Variants in SLC20A2 observed in about 807,000 individuals in gnomAD.
The protein encoded by SLC20A2 is sodium-dependent phosphate transporter 2.
SLC20A2 carries 30 observed loss-of-function variants against 61.0 expected under a neutral mutation model. The observed-to-expected ratio is 0.49, with a 90% confidence interval of 0.37 to 0.67. SLC20A2 has a LOEUF of 0.67. Ranked by LOEUF, SLC20A2 falls within the 30% of genes least tolerant of loss-of-function variation. The pLI is 0.00. For missense variants in SLC20A2, 626 were observed against 866.4 expected (o/e 0.72, Z 3.48); for synonymous variants, 351 against 353.3 (o/e 0.99, Z 0.07).
At chr8:42,467,371 T>C (rs955552994) in intron 2 of SLC20A2, among the ~76,000 whole-genome samples, 7 of 152,320 alleles carry the variant, frequency 4.6e-5, no homozygotes, top group Middle Eastern at 3.4e-3. Flanking sequence ...GATCAGATTT[T>C]GTAGTGAGTA....
chr8:42,468,003 C>T (rs1048364726), intron 2 of SLC20A2, among the ~76,000 whole-genome samples: 7 of 151,582 alleles, frequency 4.6e-5, no homozygotes, highest in African/African-American at 7.3e-5. Flanking sequence ...CCTGGGTTCA[C>T]GCCATTCTCC....
chr8:42,487,176 CTT>C lies in SLC20A2; in HGVS notation c.-265+13853_-265+13854del, dbSNP rs553949254. Among the ~76,000 whole-genome samples the C allele has an allele frequency of 1.6e-3, 152 of 98,046 alleles. 1 individual carries two copies. The highest frequency in any genetic ancestry group is 4.1e-3 in the African/African-American group (96 of 23,492). The allele number at this position is 98,046 out of a possible 152,430, so 64.3% of individuals were successfully genotyped here. ...CACCGTGCTTGGCCATGGTTTCTTT[CTT>C]TTTTTTTTTTTTTTTTTGAGACAGA... On this transcript the variant is annotated intron_variant, in intron 1 of 10. Coordinates refer to ENST00000520262, the MANE Select transcript of SLC20A2 (RefSeq NM_001257180.2).
At position 42,437,688 on chromosome 8, in the gene SLC20A2, G is replaced by T. The variant is rs1804403206; in HGVS notation, c.935-111C>A. 1 of 879,856 alleles carries T rather than the reference G, an allele frequency of 1.1e-6. No homozygotes were observed. The highest frequency in any genetic ancestry group is 1.7e-5 in the African/African-American group (1 of 58,094). The allele number at this position is 879,856 out of a possible 1,614,324, so 54.5% of individuals were successfully genotyped here. A position where few individuals can be genotyped will look rare whatever the true frequency, so the allele number is the denominator to read the frequency against. ...GGGTGGAGTACAATGGCGCAATCTC[G>T]GCTCACTGCAACCTTCGCCTCCCGG... On this transcript the variant is annotated intron_variant, in intron 7 of 10. Coordinates refer to ENST00000520262, the MANE Select transcript of SLC20A2 (RefSeq NM_001257180.2). This position sits in a 1 kb window ranked among gnomAD's most constrained non-coding sequence, Gnocchi z 6.4.
In SLC20A2 at chr8:42,438,708, T is replaced by TTTTTCTTTTC. The variant is rs372842962; in HGVS notation, c.934+732_934+741dup. Among the ~76,000 whole-genome samples the TTTTTCTTTTC allele has an allele frequency of 2.4e-4, 36 of 151,662 alleles. 1 individual carries two copies. The highest frequency in any genetic ancestry group is 7.2e-4 in the African/African-American group (30 of 41,380). On this transcript the variant is annotated intron_variant, in intron 7 of 10. Transcript: ENST00000520262. ...CTAAAGGACACAGAATGGTCTGGAT[T>TTTTTCTTTTC]TTTTCTTTTCTTTTCTTTTCTTTTT...
At chr8:42,495,486 T>C (rs1392047879) in intron 1 of SLC20A2, among the ~76,000 whole-genome samples, 2 of 152,188 alleles carry the variant, frequency 1.3e-5, no homozygotes, top group South Asian at 2.1e-4. Context: ...ACCATGTTCA[T>C]TGGGCCTCAT....
upstream of SLC20A2, among the ~76,000 whole-genome samples, chr8:42,503,396 C>T (rs942781949): frequency 6.6e-6 from 1 of 152,054 alleles, no homozygotes; most frequent in Admixed American, 6.6e-5. Context: ...TTTAGTTCAA[C>T]GAATCCATGA....
intron 1 of SLC20A2, among the ~76,000 whole-genome samples, chr8:42,488,984 G>A (rs1809289041): frequency 7.2e-6 from 1 of 139,176 alleles, no homozygotes; most frequent in South Asian, 2.4e-4. Flanking sequence ...CTGTCTCCCA[G>A]GCTGGAATGC....
intron 1 of SLC20A2, among the ~76,000 whole-genome samples, chr8:42,532,916 G>A (rs542338843): frequency 7.2e-5 from 11 of 152,204 alleles, no homozygotes; most frequent in African/African-American, 2.6e-4. Context: ...AGTCCACAGA[G>A]GACGGAAAGA....
chr8:42,512,445 G>A (rs996741179), intron 1 of SLC20A2, among the ~76,000 whole-genome samples: 2 of 151,618 alleles, frequency 1.3e-5, no homozygotes, highest in African/African-American at 4.8e-5. Context: ...CTGCTTCCTG[G>A]GTTCAAGCGA....
chr8:42,526,763 G>T (rs1467855959), intron 1 of SLC20A2, among the ~76,000 whole-genome samples: 1 of 151,752 alleles, frequency 6.6e-6, no homozygotes, highest in Non-Finnish European at 1.5e-5. Context: ...TATTGATATT[G>T]GTTCATTAAT....
intron 1 of SLC20A2, among the ~76,000 whole-genome samples, chr8:42,498,891 G>A (rs1156817528): frequency 1.3e-5 from 2 of 152,204 alleles, no homozygotes; most frequent in Non-Finnish European, 2.9e-5. Context: ...AACCTCATGT[G>A]AGGGAAGAGG....
chr8:42,498,613 A>C (rs1586211407), intron 1 of SLC20A2, among the ~76,000 whole-genome samples: 1 of 152,184 alleles, frequency 6.6e-6, no homozygotes, highest in South Asian at 2.1e-4. Context: ...TATGCCCGAG[A>C]AATCAGCCTT....
intron 5 of SLC20A2, among the ~76,000 whole-genome samples, chr8:42,455,241 A>AAAATAT (rs1416804518): frequency 2.9e-5 from 3 of 102,604 alleles, no homozygotes; most frequent in African/African-American, 1.5e-4. Flanking sequence ...AAAAAAAAAA[A>AAAATAT]ATATATATAT....
At chr8:42,505,925 A>C (rs1810668272), upstream of SLC20A2, among the ~76,000 whole-genome samples, 1 of 151,676 alleles carries the variant, frequency 6.6e-6, no homozygotes, top group African/African-American at 2.4e-5. Flanking sequence ...TGAACATTGA[A>C]GAAAAAACTC....
upstream of SLC20A2, among the ~76,000 whole-genome samples, chr8:42,501,972 A>G (rs760461505): frequency 2.0e-5 from 3 of 152,236 alleles, no homozygotes; most frequent in African/African-American, 7.2e-5. Flanking sequence ...TCTCGAAAAT[A>G]TAAGTACAAC....
At chr8:42,491,322 G>C (rs1018848401) in intron 1 of SLC20A2, among the ~76,000 whole-genome samples, 12 of 152,118 alleles carry the variant, frequency 7.9e-5, no homozygotes, top group African/African-American at 2.4e-4. Flanking sequence ...GACCAGCCTG[G>C]CCAACAGTGA....
intron 2 of SLC20A2, among the ~76,000 whole-genome samples, chr8:42,469,123 G>A (rs1231549210): frequency 3.9e-5 from 6 of 151,942 alleles, no homozygotes; most frequent in African/African-American, 1.4e-4. Context: ...GGGAAAGAGG[G>A]AGAAGAAAAA....
chr8:42,478,271 G>A (rs1808301027), intron 1 of SLC20A2, among the ~76,000 whole-genome samples: 1 of 145,056 alleles, frequency 6.9e-6, no homozygotes, highest in Non-Finnish European at 1.5e-5. Flanking sequence ...GAGTGCAATG[G>A]TTTGATCTCT....
At chr8:42,461,693 C>T (rs1459648362) in intron 4 of SLC20A2, among the ~76,000 whole-genome samples, 4 of 152,068 alleles carry the variant, frequency 2.6e-5, no homozygotes, top group African/African-American at 7.2e-5. Flanking sequence ...CTCAAGTGAT[C>T]CACCGCGCCT....
Sources: gnomAD v4.1 joint callset for allele counts (sites outside exome capture counted in the v4.1 genomes callset) on GRCh38, gnomAD v4.1.1 for gene constraint, Gnocchi (gnomAD v3.1) non-coding constraint, MANE v1.5 for transcripts, NCBI Gene and HGNC (gene_info 2026-07-23, HGNC 2026-07-21) for gene names.